Variants in SETD7 observed in about 807,000 individuals in gnomAD.
SETD7 encodes the protein histone-lysine N-methyltransferase SETD7.
Under a neutral mutation model 41.8 loss-of-function variants are expected in SETD7, and 16 were observed. That is an observed-to-expected ratio of 0.38 (90% confidence interval 0.26 to 0.58). The LOEUF is 0.58. Ranked by LOEUF, SETD7 falls within the 20% of genes least tolerant of loss-of-function variation. SETD7 has a pLI of 0.64. For missense variants in SETD7, 346 were observed against 459.7 expected (o/e 0.75, Z 2.26); for synonymous variants, 163 against 169.7 (o/e 0.96, Z 0.31).
chr4:139,494,870 ATTATC>A (rs1354043747), downstream of SETD7, among the ~76,000 whole-genome samples: 1 of 152,222 alleles, frequency 6.6e-6, no homozygotes, highest in Non-Finnish European at 1.5e-5. Flanking sequence ...TTACTACAAT[ATTATC>A]TTAAATGGGA....
At position 139,507,597 on chromosome 4, in the gene SETD7, A is replaced by T. The variant is rs537595364; in HGVS notation, c.*4066T>A. On this transcript the variant is annotated 3_prime_UTR_variant, in exon 8 of 8. Transcript: ENST00000274031. ...TCATACAAACATCTATTTACATACAAACACATTAAAATTTGTGAAAAGGGT... is the reference window on the plus strand; with the variant it reads ...TCATACAAACATCTATTTACATACATACACATTAAAATTTGTGAAAAGGGT... 1 of 152,772 alleles carries T rather than the reference A, an allele frequency of 6.5e-6. No individual in the cohort carries two copies. Among genetic ancestry groups the T allele is most frequent in the African/African-American group, 2.4e-5 (1 of 41,570 alleles). The allele number at this position is 152,772 out of a possible 1,614,324, so 9.5% of individuals were successfully genotyped here. A position where few individuals can be genotyped will look rare whatever the true frequency, so the allele number is the denominator to read the frequency against.
chr4:139,506,628 C>T lies in SETD7; in HGVS notation c.*5035G>A, dbSNP rs1184482446. 3.3e-5 allele frequency: 5 copies of T among 152,498 alleles called. No individual in the cohort carries two copies. The highest frequency in any genetic ancestry group is 7.4e-5 in the Non-Finnish European group (5 of 68,018). The allele number at this position is 152,498 out of a possible 1,614,324, so 9.4% of individuals were successfully genotyped here. ...ATGTTGATACATTGGCATGTGTGTT[C>T]GTATTGCTACTATACACAGTGAAAA... On this transcript the variant is annotated 3_prime_UTR_variant, in exon 8 of 8. Coordinates refer to ENST00000274031, the MANE Select transcript of SETD7 (RefSeq NM_030648.4).
intron 1 of SETD7, 91 bp downstream of exon 1, chr4:139,556,007 G>A (rs942188988): frequency 1.6e-5 from 22 of 1,333,486 alleles, no homozygotes; most frequent in Middle Eastern, 1.9e-4. Flanking sequence ...GCGGCCGCGG[G>A]GCCCGGCGCC....
intron 2 of SETD7, among the ~76,000 whole-genome samples, chr4:139,540,644 T>C (rs1293930012): frequency 6.6e-6 from 1 of 152,242 alleles, no homozygotes; most frequent in Non-Finnish European, 1.5e-5. Flanking sequence ...ACGTGTCCAG[T>C]GTTGAAGAAA....
At chr4:139,543,968 A>AAAC (rs992728691) in intron 2 of SETD7, among the ~76,000 whole-genome samples, 3 of 151,396 alleles carry the variant, frequency 2.0e-5, no homozygotes, top group African/African-American at 7.3e-5. Flanking sequence ...CATCTCAAAC[A>AAAC]AACAAACAAA....
rs923030772 is a variant in SETD7, at chr4:139,507,059, C to T, written c.*4604G>A. ...GATTGCTGGCAAAACTGTGAAGTCC[C>T]ACCCTGGGGTCTCAACCCCAACTCC... On this transcript the variant is annotated 3_prime_UTR_variant, in exon 8 of 8. Coordinates refer to ENST00000274031, the MANE Select transcript of SETD7 (RefSeq NM_030648.4). 3.3e-5 allele frequency: 5 copies of T among 152,688 alleles called. No individual in the cohort carries two copies. Among genetic ancestry groups the T allele is most frequent in the African/African-American group, 1.2e-4 (5 of 41,456 alleles). The allele number at this position is 152,688 out of a possible 1,614,324, so 9.5% of individuals were successfully genotyped here. A position where few individuals can be genotyped will look rare whatever the true frequency, so the allele number is the denominator to read the frequency against.
chr4:139,522,695 C>T (rs1349440591), intron 5 of SETD7, among the ~76,000 whole-genome samples: 2 of 147,776 alleles, frequency 1.4e-5, no homozygotes, highest in South Asian at 2.1e-4. Flanking sequence ...ACCCTAAGAA[C>T]GGGAATGCTC....
chr4:139,543,484 C>T (rs192540149), intron 2 of SETD7, among the ~76,000 whole-genome samples: 1 of 152,284 alleles, frequency 6.6e-6, no homozygotes, highest in African/African-American at 2.4e-5. Context: ...ATCCTGTCAC[C>T]ACACTGTTCC....
At position 139,529,145 on chromosome 4, in the gene SETD7, C is replaced by T. The variant is rs772072355; in HGVS notation, c.448G>A (p.Asp150Asn). ...TTCCCATAAAGTGCGGTCCTCTCAT[C>T]AGGGTACACATAGGCTATCTTCTCT... is the stretch of plus-strand genomic sequence containing the variant. The part of the protein sequence containing the change: ...TGEKIAYVYP[D>N]ERTALYGKFI... The change falls in exon 4 of 8, where the codon GAT becomes AAT. Residue 150 changes from aspartate to asparagine, a missense_variant. Coordinates refer to ENST00000274031, the MANE Select transcript of SETD7 (RefSeq NM_030648.4). The T allele has an allele frequency of 4.3e-6, 7 of 1,614,130 alleles. No homozygotes were observed. The South Asian group carries it at 7.7e-5, about 18-fold the overall frequency.
downstream of SETD7, among the ~76,000 whole-genome samples, chr4:139,493,288 G>C (rs116142024): frequency 5.6e-3 from 846 of 152,290 alleles, 8 homozygotes; most frequent in African/African-American, 0.019. Flanking sequence ...GTGACAGAGA[G>C]AAGCTATGCA....
At chr4:139,548,216 A>G (rs564099913) in intron 1 of SETD7, 5 of 152,382 alleles carry the variant, frequency 3.3e-5, no homozygotes, top group Admixed American at 3.3e-4. Flanking sequence ...GCTCACAGAC[A>G]TAAAAGGCAA....
intron 7 of SETD7, among the ~76,000 whole-genome samples, chr4:139,514,243 C>T (rs551117554): frequency 1.3e-4 from 20 of 152,032 alleles, no homozygotes; most frequent in South Asian, 1.0e-3. Flanking sequence ...TGACATTATG[C>T]CACTGCACTC....
Position 139,518,022 on chromosome 4 carries a change from G to C in SETD7, c.783C>G (p.Ala261=), listed in dbSNP as rs539408049. 5 of 1,613,336 alleles carry C rather than the reference G, an allele frequency of 3.1e-6. No individual in the cohort carries two copies. In the East Asian group the frequency reaches 1.1e-4, roughly 36 times the overall value. ...THQEVDSRDW[A]LNGNTLSLDE... ...CAAGGGAGAGGGTGTTCCCATTAAG[G>C]GCCCAGTCCCTGCTGTCAACCTGCA... is the stretch of plus-strand genomic sequence containing the variant. Residue 261 remains alanine (A), a synonymous_variant, in exon 7 of 8, where the codon GCC becomes GCG. Transcript: ENST00000274031.
At chr4:139,541,765 C>T (rs556926555) in intron 2 of SETD7, among the ~76,000 whole-genome samples, 2 of 152,312 alleles carry the variant, frequency 1.3e-5, no homozygotes, top group South Asian at 4.1e-4. Flanking sequence ...TAGCTTTTCT[C>T]TTCCACATTT....
rs140902044 is a variant in SETD7 at position 139,521,290 on chromosome 4, G to A, written c.645-896C>T. 8.2e-3 allele frequency among the ~76,000 whole-genome samples: 1,243 copies of A among 152,262 alleles called. 17 individuals carry two copies. Among genetic ancestry groups the A allele is most frequent in the African/African-American group, 0.029 (1,186 of 41,546 alleles). On this transcript the variant is annotated intron_variant, in intron 5 of 7. Coordinates refer to ENST00000274031, the MANE Select transcript of SETD7 (RefSeq NM_030648.4). ...AAAATACAAAAAATAGCTGGGTGTGGTGGCGGGTGCCTGTAATCCCAGTTA... is the reference window on the plus strand; with the variant it reads ...AAAATACAAAAAATAGCTGGGTGTGATGGCGGGTGCCTGTAATCCCAGTTA...
At chr4:139,498,234 T>C (rs1172790319) in intron 7 of SETD7, among the ~76,000 whole-genome samples, 1 of 152,184 alleles carries the variant, frequency 6.6e-6, no homozygotes, top group Non-Finnish European at 1.5e-5. Flanking sequence ...CAGGGCTAGC[T>C]GATTCCTAGA....
downstream of SETD7, among the ~76,000 whole-genome samples, chr4:139,494,332 G>T (rs554183507): frequency 6.6e-6 from 1 of 152,196 alleles, no homozygotes; most frequent in South Asian, 2.1e-4. Flanking sequence ...AACTGATCCT[G>T]GTCACACATG....
chr4:139,512,424 T>G (rs1386951186), intron 7 of SETD7, among the ~76,000 whole-genome samples: 1 of 152,236 alleles, frequency 6.6e-6, no homozygotes, highest in Non-Finnish European at 1.5e-5. Context: ...AAGAGGGAAG[T>G]CTAGACCTCT....
chr4:139,511,993 T>C, intron 7 of SETD7, 150 bp from the exon 8 acceptor site: 1 of 1,403,480 alleles, frequency 7.1e-7, no homozygotes, highest in Non-Finnish European at 9.3e-7. Context: ...CAGCATCAGT[T>C]TCACCCGAGA....
Sources: gnomAD v4.1 joint callset for allele counts (sites outside exome capture counted in the v4.1 genomes callset) on GRCh38, gnomAD v4.1.1 for gene constraint, MANE v1.5 for transcripts, NCBI Gene and HGNC (gene_info 2026-07-23, HGNC 2026-07-21) for gene names.